The following LRP1B variants were observed in gnomAD, a reference collection of about 807,000 sequenced individuals.
LRP1B encodes the protein low-density lipoprotein receptor-related protein 1B.
A neutral mutation model predicts 556.6 loss-of-function variants in LRP1B; 217 were observed. The ratio of observed to expected loss-of-function variants is 0.39; its 90% CI spans 0.35 to 0.44. The LOEUF is 0.44. Among genes scored for constraint, LRP1B ranks in the 20% least tolerant of loss-of-function variants. The pLI is 1.00. For missense variants in LRP1B, 5,053 were observed against 5,620.8 expected (o/e 0.90, Z 3.23); for synonymous variants, 2,047 against 1,865.8 (o/e 1.10, Z -2.50).
chr2:140,791,799 A>C (rs1690129497), intron 32 of LRP1B, among the ~76,000 whole-genome samples: 1 of 127,976 alleles, frequency 7.8e-6, no homozygotes. Flanking sequence ...CTATGAACAT[A>C]GCCATTGAAG....
intron 41 of LRP1B, among the ~76,000 whole-genome samples, chr2:140,613,307 A>T (rs2105230037): frequency 7.0e-6 from 1 of 142,752 alleles, no homozygotes; most frequent in South Asian, 2.1e-4. Flanking sequence ...ATATAAAATT[A>T]TATATAATTA....
chr2:141,642,413 T>C lies in LRP1B; in HGVS notation c.206-161880A>G, dbSNP rs904291144. Among the ~76,000 whole-genome samples the C allele has an allele frequency of 1.3e-5, 2 of 152,156 alleles. 1 individual carries two copies. The highest frequency in any genetic ancestry group is 4.1e-4 in the South Asian group (2 of 4,832). ...GAAACTACACAAATTTCCTATCATA[T>C]GAGCTGGAGTGTGCAGGCTTTATAG... On this transcript the variant is annotated intron_variant, in intron 2 of 90. Transcript: ENST00000389484.
chr2:141,813,834 G>C (rs558024834), intron 1 of LRP1B, among the ~76,000 whole-genome samples: 12 of 152,282 alleles, frequency 7.9e-5, no homozygotes, highest in African/African-American at 2.9e-4. Flanking sequence ...GGCTAAGGCA[G>C]AGATTTATTA....
At chr2:141,286,118 T>C (rs1685713085) in intron 3 of LRP1B, among the ~76,000 whole-genome samples, 1 of 149,192 alleles carries the variant, frequency 6.7e-6, no homozygotes. Flanking sequence ...GGCATGTTGA[T>C]AGTGATAGGA....
At chr2:141,653,736 T>C (rs1271262144) in intron 2 of LRP1B, among the ~76,000 whole-genome samples, 2 of 152,208 alleles carry the variant, frequency 1.3e-5, no homozygotes, top group East Asian at 3.9e-4. Flanking sequence ...GCAACCTGAG[T>C]ATATTAATGT....
At chr2:140,251,052 T>C (rs11887229) in intron 86 of LRP1B, among the ~76,000 whole-genome samples, 9,836 of 151,878 alleles carry the variant, frequency 0.065, 354 homozygotes, top group Middle Eastern at 0.13. Context: ...AGTTAATTTA[T>C]CGTCTCCCTG....
At chr2:141,902,972 C>A (rs1022340401) in intron 1 of LRP1B, among the ~76,000 whole-genome samples, 3 of 151,792 alleles carry the variant, frequency 2.0e-5, no homozygotes, top group African/African-American at 7.3e-5. Context: ...TCTTACTGTT[C>A]GTAATGGATT....
Position 140,541,020 on chromosome 2 carries a change from C to A in LRP1B, c.7466G>T (p.Cys2489Phe), listed in dbSNP as rs2105016812. Residue 2489 changes from cysteine (C) to phenylalanine (F), a missense_variant, in exon 45 of 91, where the codon TGT becomes TTT. Around this residue, in one of 5 missense-constraint regions of LRP1B, gnomAD observed 3,619 missense variants for 3,931.9 expected, o/e 0.92. Transcript: ENST00000389484. ...CAATATTCGGTCCCCTCTGCAGGAA[C>A]AATTCACTCTCCCATTGGGAGTTAA... is the stretch of plus-strand genomic sequence containing the variant. ...CLLTPNGRVN[C>F]SCRGDRILLE... 6.2e-7 allele frequency: 1 copy of A among 1,611,804 alleles called. No individual in the cohort carries two copies. The highest frequency in any genetic ancestry group is 1.1e-5 in the South Asian group (1 of 90,958).
intron 3 of LRP1B, among the ~76,000 whole-genome samples, chr2:141,264,201 TTG>T (rs1684803061): frequency 1.3e-5 from 2 of 152,190 alleles, no homozygotes; most frequent in Admixed American, 1.3e-4. Context: ...ACATACAAAA[TTG>T]TTTTTAAAAC....
At chr2:141,628,953 C>T (rs546459212) in intron 2 of LRP1B, among the ~76,000 whole-genome samples, 2 of 152,284 alleles carry the variant, frequency 1.3e-5, no homozygotes, top group South Asian at 4.1e-4. Flanking sequence ...CCAGGCTGAA[C>T]AAGTGTTGTA....
Position 141,228,677 on chromosome 2 carries a change from T to C in LRP1B, c.850+506A>G, listed in dbSNP as rs1388054152. 2.6e-5 allele frequency among the ~76,000 whole-genome samples: 4 copies of C among 152,086 alleles called. 1 individual carries two copies. The highest frequency in any genetic ancestry group is 5.9e-5 in the Non-Finnish European group (4 of 68,018). ...AGAGAAGGACAGTCTGTCAAGTTTC[T>C]GACATGAGAAGTCAGAGTGAATCAC... On this transcript the variant is annotated intron_variant, in intron 6 of 90. Transcript: ENST00000389484.
At chr2:141,380,049 G>A (rs1161334788) in intron 3 of LRP1B, among the ~76,000 whole-genome samples, 1 of 152,096 alleles carries the variant, frequency 6.6e-6, no homozygotes, top group East Asian at 1.9e-4. Context: ...CTACACTAAT[G>A]TAGAGTCTGA....
At chr2:140,938,736 G>A (rs571068541) in intron 20 of LRP1B, among the ~76,000 whole-genome samples, 153 of 152,156 alleles carry the variant, frequency 1.0e-3, no homozygotes, top group African/African-American at 3.5e-3. Context: ...AATATAAAAT[G>A]TCGGACAATT....
chr2:140,859,415 G>A (rs1692720935), intron 27 of LRP1B, among the ~76,000 whole-genome samples: 1 of 151,798 alleles, frequency 6.6e-6, no homozygotes, highest in African/African-American at 2.4e-5. Context: ...ATTTTTTATT[G>A]TGAAATAAGC....
chr2:141,636,705 T>C (rs1689118598), intron 2 of LRP1B, among the ~76,000 whole-genome samples: 1 of 151,938 alleles, frequency 6.6e-6, no homozygotes, highest in Non-Finnish European at 1.5e-5. Context: ...GGAGAGTGGC[T>C]AAATGTATGG....
intron 25 of LRP1B, among the ~76,000 whole-genome samples, chr2:140,869,955 G>C (rs1037130408): frequency 1.3e-5 from 2 of 152,024 alleles, no homozygotes; most frequent in Non-Finnish European, 2.9e-5. Flanking sequence ...GTTCATGGAA[G>C]CTGCCTTTCA....
At chr2:140,279,067 C>A (rs757913243) in intron 84 of LRP1B, among the ~76,000 whole-genome samples, 11 of 151,954 alleles carry the variant, frequency 7.2e-5, no homozygotes, top group Non-Finnish European at 1.3e-4. Flanking sequence ...TTGTCCCTTT[C>A]TCTTGCCTCC....
At chr2:140,771,626 T>C (rs1023599965) in intron 33 of LRP1B, among the ~76,000 whole-genome samples, 22 of 152,278 alleles carry the variant, frequency 1.4e-4, no homozygotes, top group African/African-American at 5.1e-4. Context: ...TGACAAATAT[T>C]AGTCAGGTAA....
chr2:142,092,152 T>G lies in LRP1B; in HGVS notation c.82+38496A>C, dbSNP rs145380597. 7.8e-3 allele frequency among the ~76,000 whole-genome samples: 1,192 copies of G among 152,316 alleles called. 20 individuals are homozygous for G. Among genetic ancestry groups the G allele is most frequent in the African/African-American group, 0.027 (1,110 of 41,578 alleles). ...GTTTTCTATGATAACTTAATATTTT[T>G]TCTTTGCTTATGGCATGGTGAATAG... On this transcript the variant is annotated intron_variant, in intron 1 of 90. Transcript: ENST00000389484.
Sources: gnomAD v4.1 joint callset for allele counts (sites outside exome capture counted in the v4.1 genomes callset) on GRCh38, gnomAD v4.1.1 for gene constraint, gnomAD v4.1.1 regional missense constraint, MANE v1.5 for transcripts, NCBI Gene and HGNC (gene_info 2026-07-23, HGNC 2026-07-21) for gene names.